Variants in FNDC3A observed in about 807,000 individuals in gnomAD.
FNDC3A encodes the protein fibronectin type-III domain-containing protein 3A.
Under a neutral mutation model 148.9 loss-of-function variants are expected in FNDC3A, and 32 were observed. That is an observed-to-expected ratio of 0.21 (90% CI 0.16 to 0.29). The LOEUF is 0.29. FNDC3A is among the 10% of genes least tolerant of loss of function. The probability of loss-of-function intolerance (pLI) is 1.00; values close to 1 mark genes in which losing one functional copy is unlikely to be tolerated. For synonymous variants in FNDC3A, 472 were observed against 473.6 expected, an observed-to-expected ratio of 1.00 and a Z score of 0.04; for missense variants, 1,191 against 1,452.8, an observed-to-expected ratio of 0.82 and a Z score of 2.93.
chr13:49,108,754 G>A (rs146509420), intron 3 of FNDC3A, among the ~76,000 whole-genome samples: 39 of 152,176 alleles, frequency 2.6e-4, no homozygotes, highest in African/African-American at 7.5e-4. Context: ...AGGGGGGCTG[G>A]GTCTAACGTA....
intron 3 of FNDC3A, among the ~76,000 whole-genome samples, chr13:49,078,342 A>T (rs1316928626): frequency 1.3e-5 from 2 of 152,226 alleles, no homozygotes; most frequent in Non-Finnish European, 2.9e-5. Flanking sequence ...ATGTGCCTGT[A>T]ATACTAACAG....
intron 7 of FNDC3A, among the ~76,000 whole-genome samples, chr13:49,143,881 A>G (rs1313432977): frequency 2.6e-5 from 4 of 151,942 alleles, no homozygotes; most frequent in Non-Finnish European, 4.4e-5. Flanking sequence ...ATAGTGACTC[A>G]CACCTGTAAT....
chr13:49,029,172 C>G (rs1375743344), intron 2 of FNDC3A, among the ~76,000 whole-genome samples: 1 of 152,128 alleles, frequency 6.6e-6, no homozygotes, highest in East Asian at 1.9e-4. Flanking sequence ...GGGTCTCCCT[C>G]TGTTGCCCAG....
chr13:48,976,289 G>A (rs1951596577), intron 1 of FNDC3A, 112 bp downstream of exon 1: 1 of 152,430 alleles, frequency 6.6e-6, no homozygotes, highest in Non-Finnish European at 1.5e-5. Flanking sequence ...CTGAGGGCCG[G>A]GGCACTCTCC....
chr13:49,089,799 A>T (rs899252773), intron 3 of FNDC3A, among the ~76,000 whole-genome samples: 15 of 152,230 alleles, frequency 9.9e-5, no homozygotes, highest in Admixed American at 2.6e-4. Flanking sequence ...CCATACCCAG[A>T]CTTCTGAAGT....
chr13:49,199,001 C>G (rs1045786344), intron 23 of FNDC3A, among the ~76,000 whole-genome samples: 11 of 151,996 alleles, frequency 7.2e-5, no homozygotes, highest in Non-Finnish European at 1.6e-4. Flanking sequence ...ATAAACTCTT[C>G]AGTGTTTATT....
rs1025500158 is a variant in FNDC3A, at chr13:49,203,271, C to T, written c.3269C>T (p.Ser1090Leu). The change falls in exon 25 of 26, where the codon TCA (serine) becomes TTA (leucine). Residue 1090 changes from serine to leucine, a missense_variant. Physicochemically the swap from Ser to Leu is moderately radical, Grantham distance 145 (BLOSUM62 -2). Transcript: ENST00000492622. ...CTTCAAGTTATGTTGGGAAAAGATT[C>T]AGAATTCAAACAGGTATGTACCAAG... ...YSLQVMLGKD[S>L]EFKQIYKGPD... 1 of 1,608,192 alleles carries T rather than the reference C, an allele frequency of 6.2e-7. No individual in the cohort carries two copies. Among genetic ancestry groups the T allele is most frequent in the Admixed American group, 1.7e-5 (1 of 59,870 alleles).
intron 4 of FNDC3A, among the ~76,000 whole-genome samples, chr13:49,121,133 A>G (rs1384921629): frequency 1.3e-5 from 2 of 152,222 alleles, no homozygotes; most frequent in East Asian, 1.9e-4. Flanking sequence ...AACAGAAATT[A>G]TAACAAACAA....
At chr13:48,991,354 G>A (rs933525589) in intron 1 of FNDC3A, among the ~76,000 whole-genome samples, 1 of 151,976 alleles carries the variant, frequency 6.6e-6, no homozygotes, top group Non-Finnish European at 1.5e-5. Flanking sequence ...CTAGTAAAGG[G>A]ATTAATTAAG....
At position 49,207,610 on chromosome 13, in the gene FNDC3A, G is replaced by T; in HGVS notation, c.*215G>T. On this transcript the variant is annotated 3_prime_UTR_variant, in exon 26 of 26. Transcript: ENST00000492622. ...AATATCAATTTTGTTTTTTTTGTTA[G>T]GGTGGGTCTTCTTTTTTTCTTTCCC... 1 of 423,352 alleles carries T rather than the reference G, an allele frequency of 2.4e-6. No homozygotes were observed. The highest frequency in any genetic ancestry group is 4.2e-6 in the Non-Finnish European group (1 of 238,950). The allele number at this position is 423,352 out of a possible 1,614,324, so 26.2% of individuals were successfully genotyped here.
At chr13:49,094,002 AT>A (rs1207169596) in intron 3 of FNDC3A, among the ~76,000 whole-genome samples, 1 of 152,156 alleles carries the variant, frequency 6.6e-6, no homozygotes, top group Non-Finnish European at 1.5e-5. Flanking sequence ...CACTGAAATA[AT>A]TTTAAAGAGT....
intron 19 of FNDC3A, among the ~76,000 whole-genome samples, chr13:49,193,252 G>A (rs542207220): frequency 1.3e-5 from 2 of 152,202 alleles, no homozygotes; most frequent in African/African-American, 4.8e-5. Context: ...ATGTATGTGT[G>A]TGTATAGACA....
At chr13:49,034,158 T>C (rs1874330070) in intron 2 of FNDC3A, among the ~76,000 whole-genome samples, 2 of 152,044 alleles carry the variant, frequency 1.3e-5, no homozygotes, top group Admixed American at 1.3e-4. Flanking sequence ...GAATATAGAA[T>C]TTCAGAGTTT....
chr13:49,205,042 T>G (rs995050806), intron 25 of FNDC3A, among the ~76,000 whole-genome samples: 6 of 152,212 alleles, frequency 3.9e-5, no homozygotes, highest in Non-Finnish European at 5.9e-5. Flanking sequence ...TACATGTACA[T>G]CAAGAGTCCC....
intron 8 of FNDC3A, among the ~76,000 whole-genome samples, chr13:49,154,073 G>A (rs1336873604): frequency 8.4e-6 from 1 of 118,908 alleles, no homozygotes; most frequent in Non-Finnish European, 1.7e-5. Flanking sequence ...TTGGTAGCTT[G>A]ATGGGGATGG....
chr13:49,025,847 A>T (rs532594002), intron 2 of FNDC3A, among the ~76,000 whole-genome samples: 2 of 152,196 alleles, frequency 1.3e-5, no homozygotes, highest in Non-Finnish European at 2.9e-5. Context: ...GGCACAGTCA[A>T]TTTGGAGAGT....
intron 14 of FNDC3A, 136 bp from the exon 15 acceptor site, chr13:49,185,828 G>T: frequency 1.5e-6 from 1 of 649,222 alleles, no homozygotes; most frequent in Non-Finnish European, 2.7e-6. Context: ...AATTCTCAAA[G>T]AACAAGCCAT....
Position 49,031,677 on chromosome 13 carries a change from C to T in FNDC3A, c.99+25388C>T, listed in dbSNP as rs564852606. 7.2e-5 allele frequency among the ~76,000 whole-genome samples: 11 copies of T among 151,736 alleles called. No individual in the cohort carries two copies. In the South Asian group the frequency reaches 1.5e-3, roughly 20 times the overall value. ...TAAAATAAGAGCTAAATTGTAAGAC[C>T]GTTAGAACAAAAAGGCATAAATCTC... On this transcript the variant is annotated intron_variant, in intron 2 of 25. Coordinates refer to ENST00000492622, the MANE Select transcript of FNDC3A (RefSeq NM_001079673.2).
At chr13:49,205,007 A>G (rs1886585050) in intron 25 of FNDC3A, among the ~76,000 whole-genome samples, 1 of 152,110 alleles carries the variant, frequency 6.6e-6, no homozygotes, top group Non-Finnish European at 1.5e-5. Context: ...AATCCATAAA[A>G]CTACATCAGG....
Sources: gnomAD v4.1 joint callset for allele counts (sites outside exome capture counted in the v4.1 genomes callset) on GRCh38, gnomAD v4.1.1 for gene constraint, MANE v1.5 for transcripts, NCBI Gene and HGNC (gene_info 2026-07-23, HGNC 2026-07-21) for gene names.